MAP2K4: variants seen among roughly 807,000 people sequenced by gnomAD.
MAP2K4 encodes the protein mitogen-activated protein kinase kinase 4.
MAP2K4 carries 4 observed loss-of-function variants against 48.5 expected under a neutral mutation model. The observed-to-expected ratio is 0.08, with a 90% CI of 0.04 to 0.19. The LOEUF is 0.19. MAP2K4 is among the 10% of genes least tolerant of loss of function. MAP2K4 has a pLI of 1.00. For missense variants in MAP2K4, 258 were observed against 493.3 expected (o/e 0.52, Z 4.52); for synonymous variants, 166 against 173.1 (o/e 0.96, Z 0.32).
At chr17:12,039,466 G>A (rs540693659) in intron 1 of MAP2K4, among the ~76,000 whole-genome samples, 10 of 152,280 alleles carry the variant, frequency 6.6e-5, no homozygotes, top group Admixed American at 2.6e-4. Flanking sequence ...TATAGCATCA[G>A]CAATTACCAA....
chr17:12,065,392 G>C (rs1389720187), intron 2 of MAP2K4, among the ~76,000 whole-genome samples: 1 of 150,472 alleles, frequency 6.6e-6, no homozygotes, highest in East Asian at 1.9e-4. Context: ...TCCGCCTACT[G>C]GGTTGAAGTG....
chr17:12,105,199 C>G (rs1050018228), intron 4 of MAP2K4, among the ~76,000 whole-genome samples: 2 of 152,028 alleles, frequency 1.3e-5, no homozygotes, highest in Non-Finnish European at 2.9e-5. Context: ...TCAGCTTGTT[C>G]AGGTCCTTGA....
chr17:12,125,485 A>G (rs1473727864), intron 8 of MAP2K4, 114 bp downstream of exon 8: 1 of 805,872 alleles, frequency 1.2e-6, no homozygotes, highest in African/African-American at 1.7e-5. Flanking sequence ...CACAGACACT[A>G]TGGTTTTAAG....
At chr17:12,059,943 C>T (rs1024284104) in intron 2 of MAP2K4, among the ~76,000 whole-genome samples, 8 of 151,958 alleles carry the variant, frequency 5.3e-5, no homozygotes, top group East Asian at 1.9e-4. Context: ...TTTGGGAGGT[C>T]GAGGCAGGAG....
chr17:12,030,729 C>T (rs1401922053), intron 1 of MAP2K4, among the ~76,000 whole-genome samples: 1 of 152,058 alleles, frequency 6.6e-6, no homozygotes, highest in Non-Finnish European at 1.5e-5. Flanking sequence ...TTGCTCCTTT[C>T]GCCATCCATA....
Position 12,141,266 on chromosome 17 carries a change from C to T in MAP2K4, c.*6C>T, listed in dbSNP as rs1973370218. The T allele has an allele frequency of 6.3e-7, 1 of 1,585,422 alleles. No homozygotes were observed. The highest frequency in any genetic ancestry group is 1.7e-5 in the Admixed American group (1 of 59,942). ...CTCCCATGTATGTCGATTGATATCG[C>T]TGCTACATCAGACTCTAGAAAAAAG... On this transcript the variant is annotated 3_prime_UTR_variant, in exon 11 of 11. Coordinates refer to ENST00000353533, the MANE Select transcript of MAP2K4 (RefSeq NM_003010.4).
intron 1 of MAP2K4, among the ~76,000 whole-genome samples, chr17:12,022,737 G>A (rs572162963): frequency 1.1e-4 from 16 of 152,308 alleles, no homozygotes; most frequent in African/African-American, 3.8e-4. Context: ...GGGGAGGGAA[G>A]GCTATTTAGC....
In MAP2K4 at chr17:12,143,365, AC is replaced by A. The variant is rs1397148940; in HGVS notation, c.*2106del. On this transcript the variant is annotated 3_prime_UTR_variant, in exon 11 of 11. Transcript: ENST00000353533. ...GTGTATTAATCATAGATTATTATAAACTATAAACTTAAGGGCAAGGAGTTTA... is the reference window on the plus strand; with the variant it reads ...GTGTATTAATCATAGATTATTATAAATATAAACTTAAGGGCAAGGAGTTTA... The A allele has an allele frequency of 1.3e-5, 3 of 232,718 alleles. No homozygotes were observed. The highest frequency in any genetic ancestry group is 4.4e-5 in the African/African-American group (2 of 45,326). 14.4% of individuals were successfully genotyped at this position (232,718 alleles called of 1,614,324 possible).
At chr17:12,027,486 C>G (rs111719991) in intron 1 of MAP2K4, among the ~76,000 whole-genome samples, 1 of 150,720 alleles carries the variant, frequency 6.6e-6, no homozygotes, top group Non-Finnish European at 1.5e-5. Flanking sequence ...TCTGAACATA[C>G]ACACACACAC....
chr17:12,085,730 G>A (rs1054654585), intron 3 of MAP2K4, among the ~76,000 whole-genome samples: 1 of 152,072 alleles, frequency 6.6e-6, no homozygotes, highest in African/African-American at 2.4e-5. Flanking sequence ...CCTGATGCTT[G>A]ATAGTAAGGA....
chr17:12,096,973 C>T (rs929849888), intron 4 of MAP2K4, among the ~76,000 whole-genome samples: 2 of 152,052 alleles, frequency 1.3e-5, no homozygotes, highest in African/African-American at 4.8e-5. Context: ...ACCAGATATA[C>T]TGAATTTATT....
At chr17:12,036,992 T>C (rs1969622476) in intron 1 of MAP2K4, among the ~76,000 whole-genome samples, 1 of 152,148 alleles carries the variant, frequency 6.6e-6, no homozygotes, top group African/African-American at 2.4e-5. Flanking sequence ...TTTCTGTAGC[T>C]TTGTCTTTTA....
chr17:12,059,035 T>G (rs1256746292), intron 2 of MAP2K4, among the ~76,000 whole-genome samples: 3 of 152,150 alleles, frequency 2.0e-5, no homozygotes, highest in African/African-American at 7.2e-5. Context: ...AAAGGATTTT[T>G]GGGGGGATCT....
intron 9 of MAP2K4, among the ~76,000 whole-genome samples, chr17:12,132,629 G>T (rs1426231738): frequency 6.6e-6 from 1 of 151,880 alleles, no homozygotes. Context: ...AAAAGGATAA[G>T]ACTTAATGGT....
chr17:12,130,313 GA>G (rs1972982477), intron 9 of MAP2K4, among the ~76,000 whole-genome samples: 1 of 152,152 alleles, frequency 6.6e-6, no homozygotes, highest in Non-Finnish European at 1.5e-5. Flanking sequence ...TTTCTAGGTA[GA>G]AGAAGGACAT....
chr17:12,042,641 A>G (rs1969826234), intron 1 of MAP2K4, among the ~76,000 whole-genome samples: 1 of 62,042 alleles, frequency 1.6e-5, no homozygotes, highest in African/African-American at 3.5e-5. Context: ...ACCTTCTGTC[A>G]GAAAACAAAC....
chr17:12,125,221 C>T (rs1327022465), intron 7 of MAP2K4, 73 bp from the exon 8 acceptor site: 2 of 1,084,252 alleles, frequency 1.8e-6, no homozygotes, highest in Admixed American at 1.7e-5. Flanking sequence ...GCTGTCTACC[C>T]AGCTGTTGCT....
chr17:12,103,202 T>G (rs1040903466), intron 4 of MAP2K4, among the ~76,000 whole-genome samples: 12 of 151,030 alleles, frequency 7.9e-5, no homozygotes, highest in Non-Finnish European at 1.8e-4. Flanking sequence ...ACCACCACCC[T>G]GCTAATTGAA....
At chr17:12,080,659 G>C (rs1461103879) in intron 2 of MAP2K4, among the ~76,000 whole-genome samples, 2 of 152,100 alleles carry the variant, frequency 1.3e-5, no homozygotes, top group African/African-American at 2.4e-5. Context: ...TCCTCTTAGA[G>C]CCAGCTAGCT....
Sources: allele counts gnomAD v4.1 joint callset (sites outside exome capture counted in the v4.1 genomes callset), GRCh38; gene constraint gnomAD v4.1.1; transcripts MANE v1.5; gene names NCBI Gene and HGNC (gene_info 2026-07-23, HGNC 2026-07-21).